SOX5: variants seen among roughly 807,000 people sequenced by gnomAD.
SOX5 encodes transcription factor SOX-5.
Under a neutral mutation model 92.0 loss-of-function variants are expected in SOX5, and 9 were observed. That is an observed-to-expected ratio of 0.10 (90% confidence interval 0.06 to 0.17). The LOEUF (loss-of-function observed/expected upper bound fraction) is 0.17. Ranked by LOEUF, SOX5 falls within the 10% of genes least tolerant of loss-of-function variation. The pLI is 1.00. For missense variants in SOX5, 642 were observed against 944.5 expected (o/e 0.68, Z 4.20); for synonymous variants, 344 against 336.3 (o/e 1.02, Z -0.25).
At chr12:24,231,057 G>T (rs1963288006) in intron 3 of SOX5, among the ~76,000 whole-genome samples, 1 of 152,098 alleles carries the variant, frequency 6.6e-6, no homozygotes, top group South Asian at 2.1e-4. Flanking sequence ...GTTTCAATAG[G>T]ATTAAGAGAA....
chr12:24,316,949 A>G (rs974956608), intron 2 of SOX5, among the ~76,000 whole-genome samples: 3 of 152,190 alleles, frequency 2.0e-5, no homozygotes, highest in Admixed American at 6.5e-5. Context: ...TTTTTAAATG[A>G]TGGTAACCCT....
intron 4 of SOX5, among the ~76,000 whole-genome samples, chr12:23,998,945 T>A (rs1488010834): frequency 1.3e-5 from 2 of 148,986 alleles, no homozygotes; most frequent in Admixed American, 1.3e-4. Context: ...ACAAAAGAAA[T>A]CCACATCCAG....
At chr12:24,020,104 A>G (rs1180030190) in intron 4 of SOX5, among the ~76,000 whole-genome samples, 1 of 152,138 alleles carries the variant, frequency 6.6e-6, no homozygotes, top group East Asian at 1.9e-4. Context: ...AAACTGATTT[A>G]CTCCTACAAA....
At chr12:23,838,006 A>T (rs1238960144) in intron 3 of SOX5, among the ~76,000 whole-genome samples, 1 of 124,152 alleles carries the variant, frequency 8.1e-6, no homozygotes, top group African/African-American at 3.2e-5. Flanking sequence ...ATGTACATTT[A>T]TATTTATATA....
chr12:24,234,330 A>G (rs1008356101), intron 3 of SOX5, among the ~76,000 whole-genome samples: 6 of 152,210 alleles, frequency 3.9e-5, no homozygotes, highest in Admixed American at 3.9e-4. Flanking sequence ...AAAAAATTTC[A>G]ATCAGTAGAA....
intron 2 of SOX5, among the ~76,000 whole-genome samples, chr12:24,355,280 A>ATTTTT (rs1565973053): frequency 2.4e-5 from 2 of 84,032 alleles, no homozygotes; most frequent in African/African-American, 1.2e-4. Flanking sequence ...TGAGGGGTGC[A>ATTTTT]TCTTTTTTTT....
rs563547802 is a variant in SOX5, at chr12:24,414,563, C to T, written c.-250-45924G>A. Among the ~76,000 whole-genome samples, 14 of 152,284 alleles carry T rather than the reference C, an allele frequency of 9.2e-5. No individual in the cohort carries two copies. In the East Asian group the frequency reaches 9.7e-4, roughly 10 times the overall value. On this transcript the variant is annotated intron_variant, in intron 1 of 4. Transcript: ENST00000446891. ...GTGTACTGGTCAAAGGATAAAGCAT[C>T]GTTAAGCATCATGTCCAGAGACAGC...
chr12:24,433,208 A>G (rs1938706587), intron 1 of SOX5, among the ~76,000 whole-genome samples: 1 of 152,224 alleles, frequency 6.6e-6, no homozygotes, highest in South Asian at 2.1e-4. Context: ...AATTGAGGTG[A>G]TTGTTCTCAG....
chr12:23,933,815 A>G (rs1941963953), intron 1 of SOX5, among the ~76,000 whole-genome samples: 1 of 151,582 alleles, frequency 6.6e-6, no homozygotes, highest in African/African-American at 2.4e-5. Flanking sequence ...AAATTTAAGG[A>G]CAGAGGTGGG....
At chr12:23,969,380 C>T (rs1209762883) in intron 4 of SOX5, among the ~76,000 whole-genome samples, 4 of 152,120 alleles carry the variant, frequency 2.6e-5, no homozygotes, top group Admixed American at 6.5e-5. Context: ...AATCTGATCA[C>T]GCCATTTGCC....
At chr12:24,229,669 G>A (rs1435728086) in intron 3 of SOX5, among the ~76,000 whole-genome samples, 2 of 152,170 alleles carry the variant, frequency 1.3e-5, no homozygotes, top group Non-Finnish European at 2.9e-5. Flanking sequence ...CAAGAACAAA[G>A]TATATAATTC....
At chr12:23,622,803 A>G (rs916904462) in intron 8 of SOX5, among the ~76,000 whole-genome samples, 2 of 152,180 alleles carry the variant, frequency 1.3e-5, no homozygotes, top group Non-Finnish European at 1.5e-5. Flanking sequence ...AGAAAATCAG[A>G]GATATGGTAT....
At chr12:24,251,837 G>C (rs1401657258) in intron 3 of SOX5, among the ~76,000 whole-genome samples, 1 of 152,028 alleles carries the variant, frequency 6.6e-6, no homozygotes, top group East Asian at 1.9e-4. Flanking sequence ...CTCCCAAAGT[G>C]CTGGGATTAC....
intron 9 of SOX5, among the ~76,000 whole-genome samples, chr12:23,579,268 T>C (rs1428617518): frequency 6.6e-6 from 1 of 152,174 alleles, no homozygotes; most frequent in Non-Finnish European, 1.5e-5. Context: ...AGCCAAAAAG[T>C]GCAAGGCCCC....
At position 24,049,001 on chromosome 12, in the gene SOX5, A is replaced by G. The variant is rs76349759; in HGVS notation, c.-1-152977T>C. ...AAACCCACTGAATTCTTCAGTTTAT[A>G]TTTTGTACAACTACATCTCAATGTA... On this transcript the variant is annotated intron_variant, in intron 4 of 4. Coordinates refer to the SOX5 transcript ENST00000446891. Among the ~76,000 whole-genome samples the G allele has an allele frequency of 6.0e-3, 913 of 152,306 alleles. 10 individuals carry two copies. The highest frequency in any genetic ancestry group is 0.033 in the South Asian group (160 of 4,820).
intron 1 of SOX5, among the ~76,000 whole-genome samples, chr12:24,498,684 A>G (rs1947887173): frequency 6.6e-6 from 1 of 152,202 alleles, no homozygotes; most frequent in African/African-American, 2.4e-5. Context: ...AAAGGACTAT[A>G]CATATGATTA....
intron 4 of SOX5, among the ~76,000 whole-genome samples, chr12:24,183,650 T>C (rs1303431132): frequency 2.0e-5 from 3 of 152,094 alleles, no homozygotes; most frequent in Non-Finnish European, 4.4e-5. Flanking sequence ...AAATCTAATA[T>C]AAAAAAAATT....
At chr12:24,023,236 A>G (rs1954515272) in intron 4 of SOX5, among the ~76,000 whole-genome samples, 1 of 152,160 alleles carries the variant, frequency 6.6e-6, no homozygotes, top group African/African-American at 2.4e-5. Flanking sequence ...TTTGTTACAC[A>G]TGATAGAACA....
chr12:23,943,586 C>T (rs541457508), intron 1 of SOX5, among the ~76,000 whole-genome samples: 3 of 152,092 alleles, frequency 2.0e-5, no homozygotes, highest in African/African-American at 7.2e-5. Flanking sequence ...TAGAAAGAAA[C>T]ACATACTACA....
Sources: gnomAD v4.1 joint callset for allele counts (sites outside exome capture counted in the v4.1 genomes callset) on GRCh38, gnomAD v4.1.1 for gene constraint, MANE v1.5 for transcripts, NCBI Gene and HGNC (gene_info 2026-07-23, HGNC 2026-07-21) for gene names.